The following CLOCK variants were observed in gnomAD, a reference collection of about 807,000 sequenced individuals.
CLOCK encodes the protein clock circadian regulator, also known as circadian locomoter output cycles protein kaput.
Under a neutral mutation model 118.4 loss-of-function variants are expected in CLOCK, and 43 were observed. That is an observed-to-expected ratio of 0.36 (90% CI 0.28 to 0.47). The LOEUF (loss-of-function observed/expected upper bound fraction) is 0.47. Ranked by LOEUF, CLOCK falls within the 20% of genes least tolerant of loss-of-function variation. The probability of loss-of-function intolerance (pLI) is 1.00; values close to 1 mark genes in which losing one functional copy is unlikely to be tolerated. For missense variants in CLOCK, 846 were observed against 999.9 expected (o/e 0.85, Z 2.08); for synonymous variants, 326 against 339.2 (o/e 0.96, Z 0.43).
Position 55,456,268 on chromosome 4 carries a change from CTCT to C in CLOCK, c.822_824del (p.Glu275del), listed in dbSNP as rs762424158. On this transcript the variant is annotated inframe_deletion, in exon 12 of 23. Coordinates refer to ENST00000513440, the MANE Select transcript of CLOCK (RefSeq NM_004898.4). ...ATTCTAAACTATGTCTAGATGTAAA[CTCT>C]TCATTGGGTTCTTCAACAGTGCACA... The C allele has an allele frequency of 2.6e-5, 42 of 1,602,796 alleles. 1 individual carries two copies. The South Asian group carries it at 4.7e-4, about 18-fold the overall frequency.
At chr4:55,481,700 T>TA (rs1425375819) in intron 4 of CLOCK, among the ~76,000 whole-genome samples, 2 of 95,914 alleles carry the variant, frequency 2.1e-5, no homozygotes, top group African/African-American at 5.7e-5. Flanking sequence ...GCAAAACTCT[T>TA]AAAGAATCCC....
chr4:55,505,556 T>G (rs900458695), intron 2 of CLOCK, among the ~76,000 whole-genome samples: 1 of 151,756 alleles, frequency 6.6e-6, no homozygotes, highest in African/African-American at 2.4e-5. Context: ...CTCAGCTACT[T>G]GGGAAGCTGA....
intron 7 of CLOCK, among the ~76,000 whole-genome samples, chr4:55,475,528 G>C (rs548686077): frequency 4.2e-4 from 64 of 152,290 alleles, no homozygotes; most frequent in African/African-American, 1.5e-3. Flanking sequence ...GCATGTTACA[G>C]AGAAATCTTG....
rs555640735 is a variant in CLOCK at position 55,432,711 on chromosome 4, C to G, written c.*2704G>C. The G allele has an allele frequency of 9.9e-5, 15 of 152,148 alleles. No homozygotes were observed. Among genetic ancestry groups the G allele is most frequent in the African/African-American group, 3.1e-4 (13 of 41,514 alleles). The allele number at this position is 152,148 out of a possible 1,614,324, so 9.4% of individuals were successfully genotyped here. ...GCAAAGAGGCAGCTGGTGCTTACTA[C>G]CTCTTCCACTACTACGCTTCAGACT... On this transcript the variant is annotated 3_prime_UTR_variant, in exon 23 of 23. Transcript: ENST00000513440.
At chr4:55,492,358 A>G (rs1037135053) in intron 2 of CLOCK, among the ~76,000 whole-genome samples, 1 of 19,900 alleles carries the variant, frequency 5.0e-5, no homozygotes, top group African/African-American at 1.3e-4. Context: ...TATTCATGAT[A>G]AAAAAAAAAA....
intron 2 of CLOCK, among the ~76,000 whole-genome samples, chr4:55,503,306 A>G (rs1728556010): frequency 6.6e-6 from 1 of 152,236 alleles, no homozygotes. Flanking sequence ...TTTCACAGCA[A>G]CAACAGAAAA....
At chr4:55,533,314 C>T (rs535661806) in intron 1 of CLOCK, among the ~76,000 whole-genome samples, 7 of 152,216 alleles carry the variant, frequency 4.6e-5, no homozygotes, top group East Asian at 1.9e-4. Context: ...AATAAACGCT[C>T]GCACATGCCA....
chr4:55,500,844 G>T (rs1000246312), intron 2 of CLOCK, among the ~76,000 whole-genome samples: 2 of 152,022 alleles, frequency 1.3e-5, no homozygotes, highest in African/African-American at 4.8e-5. Context: ...GTTTCTGTTT[G>T]TTTGTCTGTT....
chr4:55,468,110 T>C (rs917555699), intron 8 of CLOCK, among the ~76,000 whole-genome samples: 10 of 152,130 alleles, frequency 6.6e-5, no homozygotes, highest in East Asian at 1.9e-4. Context: ...TACCCTGTTA[T>C]AGAGATAAGC....
At chr4:55,472,626 G>A (rs11931061) in intron 7 of CLOCK, among the ~76,000 whole-genome samples, 88,959 of 151,992 alleles carry the variant, frequency 0.59, 27,624 homozygotes, top group South Asian at 0.81. Flanking sequence ...CTAGTGTAGC[G>A]CAAGTAAAAA....
chr4:55,503,627 T>C (rs1728574937), intron 2 of CLOCK, among the ~76,000 whole-genome samples: 1 of 150,252 alleles, frequency 6.7e-6, no homozygotes, highest in African/African-American at 2.5e-5. Flanking sequence ...GTTAGTGATA[T>C]CATGTCAGTC....
chr4:55,513,506 A>T (rs1436586690), intron 1 of CLOCK, among the ~76,000 whole-genome samples: 1 of 152,098 alleles, frequency 6.6e-6, no homozygotes, highest in Admixed American at 6.6e-5. Context: ...ATCTATTAAA[A>T]TATTTGTCTA....
chr4:55,530,737 T>A (rs1730485286), intron 1 of CLOCK, among the ~76,000 whole-genome samples: 1 of 112,768 alleles, frequency 8.9e-6, no homozygotes, highest in Non-Finnish European at 1.7e-5. Flanking sequence ...ATTGTGCCCC[T>A]GCACTCCAGC....
At position 55,429,783 on chromosome 4, in the gene CLOCK, G is replaced by C. The variant is rs1339929544; in HGVS notation, c.*5632C>G. The C allele has an allele frequency of 6.6e-6, 1 of 152,144 alleles. No homozygotes were observed. The highest frequency in any genetic ancestry group is 1.5e-5 in the Non-Finnish European group (1 of 68,024). The allele number at this position is 152,144 out of a possible 1,614,324, so 9.4% of individuals were successfully genotyped here. On this transcript the variant is annotated 3_prime_UTR_variant, in exon 23 of 23. Coordinates refer to ENST00000513440, the MANE Select transcript of CLOCK (RefSeq NM_004898.4). ...AAGGCAGCAAGTGAAACTAGAAAAA[G>C]GTTGGAACTGTATGAATCAGATTTG...
chr4:55,480,769 T>C (rs538790125), intron 4 of CLOCK, among the ~76,000 whole-genome samples: 1 of 151,688 alleles, frequency 6.6e-6, no homozygotes, highest in Non-Finnish European at 1.5e-5. Flanking sequence ...TGGGCAACTG[T>C]AGTCCCAGCT....
chr4:55,454,883 A>T (rs1476625677), intron 13 of CLOCK, among the ~76,000 whole-genome samples: 2 of 71,504 alleles, frequency 2.8e-5, no homozygotes, highest in Admixed American at 2.1e-4. Context: ...ACCGCCTCTC[A>T]CTCTCTAAGG....
intron 9 of CLOCK, among the ~76,000 whole-genome samples, chr4:55,462,313 G>T (rs1373546526): frequency 2.6e-4 from 39 of 152,084 alleles, no homozygotes; most frequent in Admixed American, 2.6e-3. Flanking sequence ...TTGAGACAGA[G>T]TCTCGCTCTA....
rs552360335 is a variant in CLOCK, at chr4:55,472,622, T to C, written c.349-1816A>G. ...AATCCTTGTATCTGCAGCACTAGTG[T>C]AGCGCAAGTAAAAATACTTGCAGTA... is the stretch of plus-strand genomic sequence containing the variant. On this transcript the variant is annotated intron_variant, in intron 7 of 22. Transcript: ENST00000513440. Among the ~76,000 whole-genome samples, 266 of 152,276 alleles carry C rather than the reference T, an allele frequency of 1.7e-3. 4 individuals carry two copies. Among genetic ancestry groups the C allele is most frequent in the African/African-American group, 5.9e-3 (245 of 41,556 alleles).
At chr4:55,525,413 T>C (rs1730118809) in intron 1 of CLOCK, among the ~76,000 whole-genome samples, 1 of 152,178 alleles carries the variant, frequency 6.6e-6, no homozygotes, top group Non-Finnish European at 1.5e-5. Flanking sequence ...AATTGGTAAT[T>C]ATGATAAGCT....
Sources: gnomAD v4.1 joint callset for allele counts (sites outside exome capture counted in the v4.1 genomes callset) on GRCh38, gnomAD v4.1.1 for gene constraint, MANE v1.5 for transcripts, NCBI Gene and HGNC (gene_info 2026-07-23, HGNC 2026-07-21) for gene names.